LRMDA: variants seen among roughly 807,000 people sequenced by gnomAD.
LRMDA encodes leucine-rich melanocyte differentiation-associated protein.
A neutral mutation model predicts 29.8 loss-of-function variants in LRMDA; 18 were observed. That is an observed-to-expected ratio of 0.60 (90% CI 0.42 to 0.90). The LOEUF (loss-of-function observed/expected upper bound fraction) is 0.90, where lower values mean the gene tolerates loss of function less well. LRMDA is among the 40% of genes least tolerant of loss of function. The probability of loss-of-function intolerance (pLI) is 0.00; values close to 1 mark genes in which losing one functional copy is unlikely to be tolerated. For synonymous variants in LRMDA, 125 were observed against 109.4 expected (o/e 1.14, Z -0.89); for missense variants, 273 against 273.9 (o/e 1.00, Z 0.02).
At chr10:76,484,911 G>T (rs1049504844) in intron 6 of LRMDA, among the ~76,000 whole-genome samples, 64 of 151,696 alleles carry the variant, frequency 4.2e-4, no homozygotes, top group African/African-American at 1.5e-3. Context: ...CTTTATCTCC[G>T]ATAATTTTCC....
chr10:75,816,290 T>C (rs974121588), intron 2 of LRMDA, among the ~76,000 whole-genome samples: 11 of 151,974 alleles, frequency 7.2e-5, no homozygotes, highest in African/African-American at 2.7e-4. Context: ...AGAGAGGAGG[T>C]CTAGAACTCT....
intron 5 of LRMDA, among the ~76,000 whole-genome samples, chr10:76,290,221 T>G (rs1840322252): frequency 6.6e-6 from 1 of 152,168 alleles, no homozygotes; most frequent in Non-Finnish European, 1.5e-5. Context: ...GTGAGTCAGC[T>G]GGTTTAAAGA....
intron 2 of LRMDA, among the ~76,000 whole-genome samples, chr10:75,696,058 A>C (rs1314907303): frequency 6.6e-6 from 1 of 152,224 alleles, no homozygotes; most frequent in Non-Finnish European, 1.5e-5. Context: ...AAAAAAACCC[A>C]AAAAGATAAG....
At chr10:76,114,908 C>G (rs1259778912) in intron 5 of LRMDA, among the ~76,000 whole-genome samples, 1 of 152,216 alleles carries the variant, frequency 6.6e-6, no homozygotes, top group African/African-American at 2.4e-5. Flanking sequence ...AAATTTCAAA[C>G]AGGATACGAA....
chr10:75,452,769 A>G (rs1417606660), intron 2 of LRMDA, among the ~76,000 whole-genome samples: 1 of 152,082 alleles, frequency 6.6e-6, no homozygotes, highest in Non-Finnish European at 1.5e-5. Flanking sequence ...TGTGTTGTGC[A>G]TATAATCCTT....
intron 5 of LRMDA, among the ~76,000 whole-genome samples, chr10:76,246,870 A>G (rs1198203932): frequency 1.3e-5 from 2 of 152,176 alleles, no homozygotes; most frequent in African/African-American, 4.8e-5. Flanking sequence ...GGTGCTGCTA[A>G]GGGATGAGGG....
chr10:76,161,538 G>T (rs1168824183), intron 5 of LRMDA, among the ~76,000 whole-genome samples: 1 of 152,208 alleles, frequency 6.6e-6, no homozygotes, highest in Non-Finnish European at 1.5e-5. Context: ...GAAATCAATT[G>T]TTTGGAGTCA....
chr10:75,888,015 C>A (rs948915859), intron 2 of LRMDA, among the ~76,000 whole-genome samples: 1 of 152,184 alleles, frequency 6.6e-6, no homozygotes, highest in African/African-American at 2.4e-5. Flanking sequence ...ACTCTGGATT[C>A]TATTACTATG....
chr10:76,200,844 A>G (rs1851413478), intron 5 of LRMDA, among the ~76,000 whole-genome samples: 1 of 149,894 alleles, frequency 6.7e-6, no homozygotes, highest in Admixed American at 6.7e-5. Context: ...CAGCCTCCTG[A>G]GTAGCTGGGA....
chr10:76,468,894 A>AGAAAGAGAGG (rs1207497014), intron 6 of LRMDA, among the ~76,000 whole-genome samples: 1 of 152,188 alleles, frequency 6.6e-6, no homozygotes, highest in African/African-American at 2.4e-5. Flanking sequence ...AGAGGAAGTG[A>AGAAAGAGAGG]GAAAGAGAGG....
intron 6 of LRMDA, among the ~76,000 whole-genome samples, chr10:76,454,939 C>G (rs1842442639): frequency 6.6e-6 from 1 of 152,160 alleles, no homozygotes; most frequent in African/African-American, 2.4e-5. Flanking sequence ...TATTTCTGCT[C>G]TCTTTATTCC....
intron 2 of LRMDA, among the ~76,000 whole-genome samples, chr10:75,706,219 A>G (rs934054690): frequency 6.0e-5 from 9 of 151,234 alleles, no homozygotes; most frequent in Non-Finnish European, 8.8e-5. Context: ...AAACCCCACT[A>G]TGGACTATAT....
At chr10:75,538,073 G>T in intron 2 of LRMDA, among the ~76,000 whole-genome samples, 1 of 152,194 alleles carries the variant, frequency 6.6e-6, no homozygotes, top group South Asian at 2.1e-4. Flanking sequence ...ACAGTATACG[G>T]TTGGGGACTA....
intron 6 of LRMDA, among the ~76,000 whole-genome samples, chr10:76,367,390 T>TTTGTTG (rs574076319): frequency 8.3e-4 from 126 of 151,336 alleles, no homozygotes; most frequent in African/African-American, 3.0e-3. Context: ...TCCTGGACTT[T>TTTGTTG]TTGTTGTTGT....
chr10:75,915,748 A>T, intron 2 of LRMDA, among the ~76,000 whole-genome samples: 1 of 152,146 alleles, frequency 6.6e-6, no homozygotes, highest in Admixed American at 6.5e-5. Context: ...CAGTGTGGGT[A>T]TTCTGGAGTT....
intron 6 of LRMDA, among the ~76,000 whole-genome samples, chr10:76,362,400 A>G (rs1841323401): frequency 6.6e-6 from 1 of 152,220 alleles, no homozygotes; most frequent in African/African-American, 2.4e-5. Context: ...TTCACTTATA[A>G]AATAGGATTA....
intron 2 of LRMDA, among the ~76,000 whole-genome samples, chr10:75,889,253 A>T (rs1163506588): frequency 2.0e-5 from 3 of 152,224 alleles, no homozygotes; most frequent in African/African-American, 7.2e-5. Context: ...TGTGCGAAGG[A>T]TAAATACAGT....
intron 5 of LRMDA, among the ~76,000 whole-genome samples, chr10:76,068,025 C>T (rs1352913758): frequency 6.6e-6 from 1 of 152,198 alleles, no homozygotes; most frequent in Non-Finnish European, 1.5e-5. Flanking sequence ...CACACAGATG[C>T]CAGGCCACTA....
intron 6 of LRMDA, among the ~76,000 whole-genome samples, chr10:76,538,622 T>C (rs7923176): frequency 0.29 from 43,736 of 150,196 alleles, 7,000 homozygotes; most frequent in Non-Finnish European, 0.34. Context: ...GTCATGGAAA[T>C]CTTGAAAGGA....
Sources: gnomAD v4.1 joint callset for allele counts (sites outside exome capture counted in the v4.1 genomes callset) on GRCh38, gnomAD v4.1.1 for gene constraint, MANE v1.5 for transcripts, NCBI Gene and HGNC (gene_info 2026-07-23, HGNC 2026-07-21) for gene names.